Variants in FNIP1 observed in about 807,000 individuals in gnomAD.
FNIP1 encodes folliculin-interacting protein 1.
Under a neutral mutation model 124.5 loss-of-function variants are expected in FNIP1, and 40 were observed. That is an observed-to-expected ratio of 0.32 (90% CI 0.25 to 0.42). The LOEUF (loss-of-function observed/expected upper bound fraction) is 0.42, where lower values mean the gene tolerates loss of function less well. Among genes scored for constraint, FNIP1 ranks in the 10% least tolerant of loss-of-function variants. The pLI is 1.00. For synonymous variants in FNIP1, 472 were observed against 470.6 expected, an observed-to-expected ratio of 1.00 and a Z score of -0.04; for missense variants, 1,176 against 1,403.7, an observed-to-expected ratio of 0.84 and a Z score of 2.59.
intron 15 of FNIP1, among the ~76,000 whole-genome samples, chr5:131,665,707 A>G (rs1336124948): frequency 6.7e-6 from 1 of 150,122 alleles, no homozygotes; most frequent in African/African-American, 2.5e-5. Context: ...GTCCTGCCTC[A>G]GCCTCCCGAG....
chr5:131,766,114 T>C (rs920443046), intron 1 of FNIP1, among the ~76,000 whole-genome samples: 3 of 152,038 alleles, frequency 2.0e-5, no homozygotes, highest in Non-Finnish European at 2.9e-5. Flanking sequence ...TTTTCTTTTT[T>C]TTTTTTCTTT....
intron 3 of FNIP1, among the ~76,000 whole-genome samples, chr5:131,728,094 C>T (rs934356395): frequency 1.3e-5 from 2 of 152,200 alleles, no homozygotes. Flanking sequence ...ATGTTTCTCT[C>T]CGGCTGCCCT....
chr5:131,750,232 C>CT (rs1254390857), intron 1 of FNIP1, among the ~76,000 whole-genome samples: 1 of 151,974 alleles, frequency 6.6e-6, no homozygotes, highest in East Asian at 1.9e-4. Flanking sequence ...TTGATCTAAG[C>CT]TAGTTAGGGA....
At chr5:131,681,641 A>G (rs1768084317) in intron 11 of FNIP1, among the ~76,000 whole-genome samples, 1 of 139,052 alleles carries the variant, frequency 7.2e-6, no homozygotes, top group South Asian at 2.4e-4. Flanking sequence ...AAAATAAGAA[A>G]GCATCAAAGA....
In FNIP1 at chr5:131,677,811, T is replaced by C; in HGVS notation, c.1411A>G (p.Met471Val). 6.2e-7 allele frequency: 1 copy of C among 1,614,166 alleles called. No individual in the cohort carries two copies. Among genetic ancestry groups the C allele is most frequent in the Non-Finnish European group, 8.5e-7 (1 of 1,180,014 alleles). Reference protein sequence around the residue: ...TNHLAWVPTVMPNGQPPIKIF... With the variant: ...TNHLAWVPTVVPNGQPPIKIF... ...TTTATAGGTGGTTGTCCATTTGGCATGACTGTTGGAACCCAGGCAAGATGA... is the reference window on the plus strand; with the variant it reads ...TTTATAGGTGGTTGTCCATTTGGCACGACTGTTGGAACCCAGGCAAGATGA... Residue 471 changes from methionine to valine, a missense_variant, in exon 13 of 18, where the codon ATG becomes GTG. Physicochemically the swap from Met to Val is conservative, Grantham distance 21 (BLOSUM62 1). Transcript: ENST00000510461.
rs186548514 is a variant in FNIP1 at position 131,765,094 on chromosome 5, C to T, written c.93-20404G>A. On this transcript the variant is annotated intron_variant, in intron 1 of 17. Transcript: ENST00000510461. ...AAAATTAGCCAAGTATGCTGGTGCA[C>T]GCCTGTAGTCCCAGCTACTTGGGAG... Among the ~76,000 whole-genome samples, 483 of 152,154 alleles carry T rather than the reference C, an allele frequency of 3.2e-3. 2 individuals carry two copies. Among genetic ancestry groups the T allele is most frequent in the African/African-American group, 0.011 (444 of 41,534 alleles).
At chr5:131,649,506 A>AT (rs1357551639) in intron 16 of FNIP1, among the ~76,000 whole-genome samples, 3 of 151,898 alleles carry the variant, frequency 2.0e-5, no homozygotes, top group Admixed American at 1.3e-4. Context: ...TAATTCAATT[A>AT]TTTTTTTCCT....
intron 1 of FNIP1, among the ~76,000 whole-genome samples, chr5:131,755,845 C>G (rs1449775461): frequency 3.3e-5 from 5 of 151,950 alleles, no homozygotes; most frequent in Non-Finnish European, 5.9e-5. Context: ...CTCGTCTCTA[C>G]TAAAAATATA....
At chr5:131,790,314 A>C (rs541743722) in intron 1 of FNIP1, among the ~76,000 whole-genome samples, 1 of 152,230 alleles carries the variant, frequency 6.6e-6, no homozygotes, top group African/African-American at 2.4e-5. Flanking sequence ...CCCCGTGTCT[A>C]CAAAAAATAA....
intron 1 of FNIP1, among the ~76,000 whole-genome samples, chr5:131,756,488 A>G (rs879499612): frequency 3.9e-5 from 6 of 152,198 alleles, no homozygotes; most frequent in Non-Finnish European, 5.9e-5. Flanking sequence ...TTCCTTTCTA[A>G]TATTTCCAAG....
intron 1 of FNIP1, among the ~76,000 whole-genome samples, chr5:131,789,454 A>G (rs980604474): frequency 6.6e-6 from 1 of 152,214 alleles, no homozygotes; most frequent in Admixed American, 6.5e-5. Context: ...ACATAAAATC[A>G]GAACACTGCA....
intron 1 of FNIP1, among the ~76,000 whole-genome samples, chr5:131,793,035 TC>T (rs1377512058): frequency 6.6e-6 from 1 of 152,138 alleles, no homozygotes; most frequent in Non-Finnish European, 1.5e-5. Context: ...TTTAAAACAA[TC>T]TTTTTTTTTG....
chr5:131,796,591 A>G lies in FNIP1; in HGVS notation c.92+239T>C, dbSNP rs1238775049. 3 of 554,652 alleles carry G rather than the reference A, an allele frequency of 5.4e-6. No homozygotes were observed. In the Admixed American group the frequency reaches 9.7e-5, roughly 18 times the overall value. The allele number at this position is 554,652 out of a possible 1,614,324, so 34.4% of individuals were successfully genotyped here. ...GCGCGTGGCTGGGGGCAGGTCGTAA[A>G]CAAACCGACGGGAGGAGGGGGAAGG... is the stretch of plus-strand genomic sequence containing the variant. On this transcript the variant is annotated intron_variant, in intron 1 of 17. Coordinates refer to ENST00000510461, the MANE Select transcript of FNIP1 (RefSeq NM_133372.3).
At chr5:131,739,745 G>A (rs986480590) in intron 2 of FNIP1, among the ~76,000 whole-genome samples, 3 of 150,660 alleles carry the variant, frequency 2.0e-5, no homozygotes, top group Admixed American at 6.6e-5. Context: ...CCCAGGAGGC[G>A]GAGCTTGTAG....
intron 11 of FNIP1, among the ~76,000 whole-genome samples, chr5:131,698,308 C>T (rs960916786): frequency 9.9e-5 from 15 of 152,156 alleles, no homozygotes; most frequent in African/African-American, 2.2e-4. Flanking sequence ...AGACCTAAAC[C>T]GAACCTCTTG....
At chr5:131,676,407 C>T (rs1443007342) in intron 13 of FNIP1, among the ~76,000 whole-genome samples, 1 of 151,884 alleles carries the variant, frequency 6.6e-6, no homozygotes, top group Non-Finnish European at 1.5e-5. Flanking sequence ...CCTCAGCCTC[C>T]CAAAGTGCCA....
At chr5:131,793,925 A>G (rs891622534) in intron 1 of FNIP1, among the ~76,000 whole-genome samples, 3 of 152,198 alleles carry the variant, frequency 2.0e-5, no homozygotes, top group African/African-American at 7.2e-5. Flanking sequence ...AGTCTACTCA[A>G]AAACCTGGGT....
Position 131,754,107 on chromosome 5 carries a change from C to T in FNIP1, c.93-9417G>A, listed in dbSNP as rs943753980. 8.5e-5 allele frequency among the ~76,000 whole-genome samples: 13 copies of T among 152,302 alleles called. 1 individual carries two copies. The highest frequency in any genetic ancestry group is 6.2e-4 in the South Asian group (3 of 4,824). ...GATTACAGGCATGAGCCACCATGTC[C>T]GGCCTAAAACAGACATATTAAACAT... is the stretch of plus-strand genomic sequence containing the variant. On this transcript the variant is annotated intron_variant, in intron 1 of 17. Transcript: ENST00000510461.
At chr5:131,789,544 C>T (rs527944284) in intron 1 of FNIP1, among the ~76,000 whole-genome samples, 30 of 152,276 alleles carry the variant, frequency 2.0e-4, no homozygotes, top group African/African-American at 7.0e-4. Context: ...CATTTCCTCA[C>T]ATTTACTCCA....
Sources: allele counts gnomAD v4.1 joint callset (sites outside exome capture counted in the v4.1 genomes callset), GRCh38; gene constraint gnomAD v4.1.1; transcripts MANE v1.5; gene names NCBI Gene and HGNC (gene_info 2026-07-23, HGNC 2026-07-21).